The following FAM83B variants were observed in gnomAD, a reference collection of about 807,000 sequenced individuals.
FAM83B encodes scaffolding CK1 anchoring protein B, also known as protein FAM83B.
FAM83B carries 26 observed loss-of-function variants against 38.8 expected under a neutral mutation model. The ratio of observed to expected loss-of-function variants is 0.67; its 90% CI spans 0.49 to 0.93. FAM83B has a LOEUF of 0.93. FAM83B is among the 40% of genes least tolerant of loss of function. The pLI, the probability that FAM83B is intolerant of heterozygous loss-of-function variation, is 0.00. For missense variants in FAM83B, 1,237 were observed against 1,197.3 expected (o/e 1.03, Z -0.49); for synonymous variants, 419 against 423.1 (o/e 0.99, Z 0.12).
rs1773725848 is a variant in FAM83B at position 54,942,447 on chromosome 6, T to A, written c.*440T>A. Among the ~76,000 whole-genome samples the A allele has an allele frequency of 6.6e-6, 1 of 152,212 alleles. No homozygotes were observed. The highest frequency in any genetic ancestry group is 1.5e-5 in the Non-Finnish European group (1 of 68,038). On this transcript the variant is annotated 3_prime_UTR_variant, in exon 5 of 5. Transcript: ENST00000306858. ...AAGCAAATGGGACAAAGCCCTTTTT[T>A]AAGATTAACTTGAAGTTCTACGGGA...
At chr6:54,903,905 C>T (rs1190422365) in intron 2 of FAM83B, among the ~76,000 whole-genome samples, 3 of 151,774 alleles carry the variant, frequency 2.0e-5, no homozygotes, top group East Asian at 3.9e-4. Context: ...CACACATGTA[C>T]AGAGTAGATT....
intron 1 of FAM83B, among the ~76,000 whole-genome samples, chr6:54,862,177 T>C (rs891553417): frequency 1.3e-5 from 2 of 152,210 alleles, no homozygotes; most frequent in Non-Finnish European, 2.9e-5. Flanking sequence ...AGAGTTATAA[T>C]AGAGGATTAG....
At chr6:54,889,279 T>C (rs978633264) in intron 2 of FAM83B, among the ~76,000 whole-genome samples, 9 of 152,126 alleles carry the variant, frequency 5.9e-5, no homozygotes, top group African/African-American at 1.9e-4. Context: ...TTCCAATATT[T>C]TAATGGATGG....
intron 2 of FAM83B, 99 bp downstream of exon 2, chr6:54,870,789 T>C (rs1771835439): frequency 1.7e-6 from 2 of 1,175,908 alleles, no homozygotes; most frequent in East Asian, 5.1e-5. Flanking sequence ...AATCTCTATA[T>C]GTATAGGCCA....
intron 2 of FAM83B, among the ~76,000 whole-genome samples, chr6:54,899,513 C>G (rs1300317216): frequency 6.6e-6 from 1 of 152,168 alleles, no homozygotes; most frequent in Non-Finnish European, 1.5e-5. Context: ...AGCAGAGCAG[C>G]TTTTAAACAG....
At chr6:54,911,140 C>T (rs199889537) in intron 2 of FAM83B, among the ~76,000 whole-genome samples, 84 of 147,500 alleles carry the variant, frequency 5.7e-4, no homozygotes, top group African/African-American at 1.9e-3. Flanking sequence ...TGACACACAG[C>T]GTGTGTGTGT....
intron 4 of FAM83B, among the ~76,000 whole-genome samples, chr6:54,929,706 C>T (rs956212691): frequency 1.3e-4 from 20 of 152,060 alleles, no homozygotes; most frequent in African/African-American, 4.8e-4. Context: ...CTGCAACCAG[C>T]ATACTGTTAC....
At chr6:54,849,459 T>A (rs1771213790) in intron 1 of FAM83B, among the ~76,000 whole-genome samples, 1 of 144,574 alleles carries the variant, frequency 6.9e-6, no homozygotes, top group African/African-American at 2.6e-5. Flanking sequence ...AAGTGGGCTG[T>A]ATGCTGGGGA....
At position 54,849,975 on chromosome 6, in the gene FAM83B, C is replaced by A. The variant is rs566811104; in HGVS notation, c.-61+3149C>A. Among the ~76,000 whole-genome samples the A allele has an allele frequency of 3.0e-3, 458 of 152,244 alleles. 2 individuals are homozygous for A. The highest frequency in any genetic ancestry group is 0.015 in the South Asian group (73 of 4,830). On this transcript the variant is annotated intron_variant, in intron 1 of 4. Transcript: ENST00000306858. ...TATCTAATGGCTCTAACTTTGTGCT[C>A]TTTTACACTATCCCTTTGATTAAAC...
chr6:54,899,704 T>C (rs1772614005), intron 2 of FAM83B, among the ~76,000 whole-genome samples: 1 of 152,138 alleles, frequency 6.6e-6, no homozygotes, highest in Non-Finnish European at 1.5e-5. Flanking sequence ...CTGATTCCAT[T>C]CATGAGGCCT....
chr6:54,909,560 T>C (rs1214175905), intron 2 of FAM83B, among the ~76,000 whole-genome samples: 1 of 152,166 alleles, frequency 6.6e-6, no homozygotes, highest in Non-Finnish European at 1.5e-5. Flanking sequence ...TGTTTAGTAT[T>C]TGAAAATAAC....
intron 1 of FAM83B, among the ~76,000 whole-genome samples, chr6:54,854,561 G>A (rs1771395393): frequency 6.6e-6 from 1 of 152,066 alleles, no homozygotes; most frequent in Non-Finnish European, 1.5e-5. Context: ...ATTTCTTTAG[G>A]GATAACTTAT....
intron 4 of FAM83B, among the ~76,000 whole-genome samples, chr6:54,928,564 T>G (rs1308912939): frequency 6.6e-6 from 1 of 152,158 alleles, no homozygotes; most frequent in Non-Finnish European, 1.5e-5. Flanking sequence ...GCTCGGGACC[T>G]TTTTAAAAAA....
At chr6:54,864,637 A>G (rs1771659737) in intron 1 of FAM83B, among the ~76,000 whole-genome samples, 1 of 152,194 alleles carries the variant, frequency 6.6e-6, no homozygotes, top group African/African-American at 2.4e-5. Flanking sequence ...ATTATAGTCA[A>G]TTTTTAATTT....
At position 54,870,227 on chromosome 6, in the gene FAM83B, A is replaced by G. The variant is rs764003806; in HGVS notation, c.-20A>G. ...GCATGAATGGACATTTGAAAGTGCC[A>G]TAGCCAAACACTTGCAAGCATGGAG... is the stretch of plus-strand genomic sequence containing the variant. On this transcript the variant is annotated 5_prime_UTR_variant, in exon 2 of 5. Coordinates refer to ENST00000306858, the MANE Select transcript of FAM83B (RefSeq NM_001010872.3). 2.5e-6 allele frequency: 4 copies of G among 1,595,684 alleles called. No homozygotes were observed. The highest frequency in any genetic ancestry group is 2.7e-5 in the African/African-American group (2 of 74,550).
chr6:54,861,681 A>G (rs1771586784), intron 1 of FAM83B, among the ~76,000 whole-genome samples: 1 of 152,190 alleles, frequency 6.6e-6, no homozygotes, highest in African/African-American at 2.4e-5. Flanking sequence ...CCCAGGTAAA[A>G]TGGCCCCAAA....
rs761815416 is a variant in FAM83B at position 54,855,264 on chromosome 6, A to G, written c.-61+8438A>G. On this transcript the variant is annotated intron_variant, in intron 1 of 4. Coordinates refer to ENST00000306858, the MANE Select transcript of FAM83B (RefSeq NM_001010872.3). ...ATTATTAAAGTTGTTTTGAGTGTCA[A>G]TCTCTCATGCAGAAAAGTTCAGGAT... Among the ~76,000 whole-genome samples, 37 of 152,206 alleles carry G rather than the reference A, an allele frequency of 2.4e-4. 1 individual carries two copies. Among genetic ancestry groups the G allele is most frequent in the African/African-American group, 1.2e-4 (5 of 41,472 alleles).
At chr6:54,929,861 A>T (rs896068338) in intron 4 of FAM83B, among the ~76,000 whole-genome samples, 21 of 152,044 alleles carry the variant, frequency 1.4e-4, no homozygotes, top group African/African-American at 3.6e-4. Context: ...TGCACATTTT[A>T]AAAAAATCAA....
intron 1 of FAM83B, among the ~76,000 whole-genome samples, chr6:54,854,799 C>T (rs1771404330): frequency 6.6e-6 from 1 of 152,142 alleles, no homozygotes; most frequent in Non-Finnish European, 1.5e-5. Context: ...TAATACAAGT[C>T]AAATTTTATT....
Sources: gnomAD v4.1 joint callset for allele counts (sites outside exome capture counted in the v4.1 genomes callset) on GRCh38, gnomAD v4.1.1 for gene constraint, MANE v1.5 for transcripts, NCBI Gene and HGNC (gene_info 2026-07-23, HGNC 2026-07-21) for gene names.